Variants in ARHGAP28 observed in about 807,000 individuals in gnomAD.
ARHGAP28 encodes the protein rho GTPase-activating protein 28.
ARHGAP28 carries 56 observed loss-of-function variants against 90.7 expected under a neutral mutation model. That is an observed-to-expected ratio of 0.62 (90% CI 0.50 to 0.77). The LOEUF (loss-of-function observed/expected upper bound fraction) is 0.77, where lower values mean the gene tolerates loss of function less well. Ranked by LOEUF, ARHGAP28 falls within the 30% of genes least tolerant of loss-of-function variation. The pLI, the probability that ARHGAP28 is intolerant of heterozygous loss-of-function variation, is 0.00. For missense variants in ARHGAP28, 869 were observed against 900.9 expected (o/e 0.96, Z 0.45); for synonymous variants, 308 against 323.3 (o/e 0.95, Z 0.51).
chr18:6,866,948 A>G (rs989188736), intron 5 of ARHGAP28, among the ~76,000 whole-genome samples: 1 of 152,222 alleles, frequency 6.6e-6, no homozygotes, highest in South Asian at 2.1e-4. Flanking sequence ...AACTTAAGGA[A>G]AGGGAAAAGT....
chr18:6,896,595 G>A lies in ARHGAP28; in HGVS notation c.1999G>A (p.Asp667Asn), dbSNP rs1014475397. Residue 667 changes from aspartate to asparagine, a missense_variant, in exon 16 of 18, where the codon GAC (aspartate) becomes AAC (asparagine). Coordinates refer to ENST00000383472, the MANE Select transcript of ARHGAP28 (RefSeq NM_001366230.1). ...IQLNNQTKAK[D>N]ILAKFQYENS... ...ACTCAACAATCAAACCAAAGCCAAA[G>A]ACATATTGGCAAAATTTCAATATGA... is the stretch of plus-strand genomic sequence containing the variant. 3 of 1,614,068 alleles carry A rather than the reference G, an allele frequency of 1.9e-6. No individual in the cohort carries two copies. Among genetic ancestry groups the A allele is most frequent in the Non-Finnish European group, 1.7e-6 (2 of 1,180,000 alleles).
chr18:6,820,602 G>C (rs2056620302), intron 1 of ARHGAP28, among the ~76,000 whole-genome samples: 1 of 152,302 alleles, frequency 6.6e-6, no homozygotes, highest in Non-Finnish European at 1.5e-5. Context: ...CACTCAAATT[G>C]CTGAAAGCAA....
At chr18:6,900,127 A>G (rs1408664841) in intron 16 of ARHGAP28, among the ~76,000 whole-genome samples, 2 of 152,176 alleles carry the variant, frequency 1.3e-5, no homozygotes, top group East Asian at 3.9e-4. Context: ...TCCTGCTTTC[A>G]AAGGGCCCAG....
At chr18:6,832,991 A>G (rs558407662) in intron 2 of ARHGAP28, among the ~76,000 whole-genome samples, 1 of 152,172 alleles carries the variant, frequency 6.6e-6, no homozygotes, top group East Asian at 1.9e-4. Flanking sequence ...CTTCATGCCC[A>G]GTGGTTTATA....
intron 2 of ARHGAP28, among the ~76,000 whole-genome samples, chr18:6,828,078 C>T (rs940764827): frequency 2.6e-5 from 4 of 152,132 alleles, no homozygotes; most frequent in African/African-American, 9.7e-5. Flanking sequence ...ACTGAGTTAA[C>T]GAGACTCCGT....
At chr18:6,736,906 C>T (rs1049770721) in intron 1 of ARHGAP28, among the ~76,000 whole-genome samples, 4 of 150,006 alleles carry the variant, frequency 2.7e-5, no homozygotes, top group African/African-American at 1.0e-4. Context: ...TTCCTCTTAC[C>T]AGTGTTCCGG....
chr18:6,884,095 C>T (rs1329932742), intron 11 of ARHGAP28, among the ~76,000 whole-genome samples: 1 of 152,126 alleles, frequency 6.6e-6, no homozygotes, highest in African/African-American at 2.4e-5. Context: ...TTGTTGGCGG[C>T]CAGGCGTGGG....
chr18:6,851,433 A>G (rs1221885008), intron 4 of ARHGAP28, among the ~76,000 whole-genome samples: 1 of 152,220 alleles, frequency 6.6e-6, no homozygotes, highest in Admixed American at 6.5e-5. Flanking sequence ...TGACAATACC[A>G]AGCAGTGCCA....
At chr18:6,883,342 G>A (rs553567791) in intron 11 of ARHGAP28, among the ~76,000 whole-genome samples, 15 of 151,722 alleles carry the variant, frequency 9.9e-5, no homozygotes, top group Middle Eastern at 3.4e-3. Flanking sequence ...GGATTCAAGC[G>A]ATTCTCCTGC....
intron 2 of ARHGAP28, 34 bp downstream of exon 2, chr18:6,824,998 C>G (rs2056652242): frequency 2.7e-6 from 4 of 1,495,758 alleles, no homozygotes; most frequent in Non-Finnish European, 3.6e-6. Context: ...TATGTGCTGA[C>G]TGGCTTTCTT....
intron 1 of ARHGAP28, among the ~76,000 whole-genome samples, chr18:6,812,858 A>T (rs77731167): frequency 0.016 from 2,375 of 152,290 alleles, 62 homozygotes; most frequent in African/African-American, 0.054. Flanking sequence ...TTTGTCATGC[A>T]GTGAGAGGGA....
At chr18:6,821,713 T>C (rs540067311) in intron 1 of ARHGAP28, among the ~76,000 whole-genome samples, 33 of 151,996 alleles carry the variant, frequency 2.2e-4, no homozygotes, top group African/African-American at 7.9e-4. Context: ...GGGTGGACTG[T>C]TTCAGAAGGA....
intron 1 of ARHGAP28, among the ~76,000 whole-genome samples, chr18:6,812,252 A>G (rs1418335085): frequency 6.6e-6 from 1 of 152,220 alleles, no homozygotes. Flanking sequence ...TGGAAGCAAA[A>G]TTAAAACCCT....
In ARHGAP28 at chr18:6,782,592, ATTTTTTTTTTTTTTTTTTTT is replaced by A. The variant is rs10602816; in HGVS notation, c.123-42152_123-42133del. Among the ~76,000 whole-genome samples the A allele has an allele frequency of 5.7e-3, 153 of 26,694 alleles. 2 individuals carry two copies. Among genetic ancestry groups the A allele is most frequent in the Non-Finnish European group, 9.0e-3 (111 of 12,336 alleles). 17.5% of individuals were successfully genotyped at this position (26,694 alleles called of 152,430 possible). ...GCCATCACGCCCAGCTAATTTTTGT[ATTTTTTTTTTTTTTTTTTTT>A]TTTTTTTTTTTTTTTTTAGTAGAGA... On this transcript the variant is annotated intron_variant, in intron 1 of 17. Transcript: ENST00000383472.
At chr18:6,870,872 C>G in intron 7 of ARHGAP28, 140 bp downstream of exon 7, 1 of 845,404 alleles carries the variant, frequency 1.2e-6, no homozygotes. Context: ...GCGATCTCGG[C>G]TCACTGCAAG....
intron 14 of ARHGAP28, among the ~76,000 whole-genome samples, chr18:6,893,256 C>G (rs1195157593): frequency 6.6e-6 from 1 of 152,178 alleles, no homozygotes; most frequent in Non-Finnish European, 1.5e-5. Flanking sequence ...AATCATTAGA[C>G]TTCTTGAGTG....
intron 1 of ARHGAP28, among the ~76,000 whole-genome samples, chr18:6,788,211 GGTT>G (rs201352383): frequency 0.022 from 3,413 of 152,158 alleles, 46 homozygotes; most frequent in South Asian, 0.047. Flanking sequence ...CGGGAGATCT[GGTT>G]GTTCAAAAGT....
chr18:6,749,671 A>G (rs1326293150), intron 1 of ARHGAP28, among the ~76,000 whole-genome samples: 4 of 152,186 alleles, frequency 2.6e-5, no homozygotes. Context: ...GCTTATATGT[A>G]TGCAAAAACA....
chr18:6,849,740 C>A (rs2056894894), intron 3 of ARHGAP28, among the ~76,000 whole-genome samples: 1 of 152,146 alleles, frequency 6.6e-6, no homozygotes, highest in South Asian at 2.1e-4. Context: ...TTATTTATAT[C>A]CTGCTTTCAT....
Sources: allele counts gnomAD v4.1 joint callset (sites outside exome capture counted in the v4.1 genomes callset), GRCh38; gene constraint gnomAD v4.1.1; transcripts MANE v1.5; gene names NCBI Gene and HGNC (gene_info 2026-07-23, HGNC 2026-07-21).